The following PCCA variants were observed in gnomAD, a reference collection of about 807,000 sequenced individuals.
PCCA encodes the protein propionyl-CoA carboxylase alpha chain, mitochondrial.
In PCCA, 74 loss-of-function variants were observed where a neutral mutation model predicts 101.3. The ratio of observed to expected loss-of-function variants is 0.73; its 90% confidence interval spans 0.61 to 0.89. The LOEUF is 0.89. PCCA is among the 40% of genes least tolerant of loss of function. The pLI is 0.00. For missense variants in PCCA, 891 were observed against 907.0 expected (o/e 0.98, Z 0.23); for synonymous variants, 294 against 313.6 (o/e 0.94, Z 0.66).
chr13:100,115,192 A>T (rs906608384), intron 4 of PCCA, among the ~76,000 whole-genome samples: 7 of 152,124 alleles, frequency 4.6e-5, no homozygotes, highest in African/African-American at 2.4e-5. Flanking sequence ...TTTTGCATGT[A>T]CTCACTCATT....
intron 6 of PCCA, among the ~76,000 whole-genome samples, chr13:100,206,617 T>C (rs2058869358): frequency 6.6e-6 from 1 of 152,166 alleles, no homozygotes; most frequent in Non-Finnish European, 1.5e-5. Context: ...CTAACAGTTG[T>C]GGCACTCAAC....
At chr13:100,359,645 A>G (rs531889138) in intron 18 of PCCA, among the ~76,000 whole-genome samples, 4 of 152,228 alleles carry the variant, frequency 2.6e-5, no homozygotes, top group Non-Finnish European at 5.9e-5. Flanking sequence ...AACGGAGCCT[A>G]ATGATTGCAA....
rs79153969 is a variant in PCCA, at chr13:100,263,049, C to G, written c.819+218C>G. ...CTAAGATAGCCGACCAGGCTAATCT[C>G]CTTCCAAGACTGGACCATTATAGGG... On this transcript the variant is annotated intron_variant, in intron 10 of 23. Coordinates refer to ENST00000376285, the MANE Select transcript of PCCA (RefSeq NM_000282.4). Among the ~76,000 whole-genome samples the G allele has an allele frequency of 5.5e-3, 833 of 152,242 alleles. 4 individuals are homozygous for G. Among genetic ancestry groups the G allele is most frequent in the Non-Finnish European group, 9.1e-3 (622 of 68,014 alleles).
At chr13:100,213,475 T>A (rs2059343359) in intron 7 of PCCA, among the ~76,000 whole-genome samples, 1 of 152,248 alleles carries the variant, frequency 6.6e-6, no homozygotes, top group Non-Finnish European at 1.5e-5. Context: ...ATTTCTCTGA[T>A]GATCAGTGAT....
intron 4 of PCCA, among the ~76,000 whole-genome samples, chr13:100,114,057 A>G (rs1442643705): frequency 1.3e-5 from 2 of 152,162 alleles, no homozygotes; most frequent in Non-Finnish European, 2.9e-5. Flanking sequence ...AAATGCACAC[A>G]TTAGCCTAGA....
intron 1 of PCCA, among the ~76,000 whole-genome samples, chr13:100,100,669 A>G (rs2047190829): frequency 6.6e-6 from 1 of 152,238 alleles, no homozygotes; most frequent in South Asian, 2.1e-4. Context: ...CCCAGGAGGA[A>G]ACAGGAACAG....
At chr13:100,348,970 T>C (rs1595507251) in intron 18 of PCCA, among the ~76,000 whole-genome samples, 2 of 85,244 alleles carry the variant, frequency 2.3e-5, no homozygotes, top group South Asian at 6.2e-4. Flanking sequence ...CTTTCCTCAG[T>C]CTTGCTCTCT....
At chr13:100,227,070 C>T (rs2060186107) in intron 7 of PCCA, among the ~76,000 whole-genome samples, 1 of 152,194 alleles carries the variant, frequency 6.6e-6, no homozygotes, top group Admixed American at 6.5e-5. Flanking sequence ...GTGGCACTAT[C>T]TTGGCTCACT....
chr13:100,227,365 C>T (rs911921389), intron 7 of PCCA, among the ~76,000 whole-genome samples: 2 of 152,148 alleles, frequency 1.3e-5, no homozygotes, highest in African/African-American at 4.8e-5. Flanking sequence ...AGAAAAGGCA[C>T]CAGATTTTTG....
intron 5 of PCCA, 126 bp downstream of exon 5, chr13:100,155,218 C>T (rs2053758846): frequency 2.7e-6 from 2 of 727,640 alleles, no homozygotes; most frequent in Non-Finnish European, 4.8e-6. Context: ...GTTCATGTCA[C>T]ATGAGTTAAA....
intron 18 of PCCA, among the ~76,000 whole-genome samples, chr13:100,361,346 G>T (rs959083961): frequency 6.6e-6 from 1 of 152,108 alleles, no homozygotes; most frequent in Non-Finnish European, 1.5e-5. Context: ...ACAAATGCAA[G>T]ATGTTCATAA....
chr13:100,278,667 A>G (rs895759276), intron 12 of PCCA, among the ~76,000 whole-genome samples: 4 of 152,110 alleles, frequency 2.6e-5, no homozygotes, highest in Non-Finnish European at 4.4e-5. Context: ...TTTAGTAGAG[A>G]CAGGGTTTCA....
At chr13:100,314,241 TAACCC>T (rs1416898707) in intron 16 of PCCA, among the ~76,000 whole-genome samples, 4 of 152,080 alleles carry the variant, frequency 2.6e-5, no homozygotes, top group African/African-American at 9.7e-5. Context: ...AGCTTGAGAG[TAACCC>T]AGTGGAGGAG....
chr13:100,137,933 C>CCAG (rs1194405534), intron 4 of PCCA, among the ~76,000 whole-genome samples: 1 of 152,126 alleles, frequency 6.6e-6, no homozygotes, highest in South Asian at 2.1e-4. Context: ...CCTCAGCCTC[C>CCAG]TGAGTAACTG....
At chr13:100,150,601 A>G in intron 4 of PCCA, 1 of 1,195,274 alleles carries the variant, frequency 8.4e-7, no homozygotes, top group African/African-American at 1.5e-5. Flanking sequence ...TGGCCTGCAG[A>G]TGTCAGCCCA....
chr13:100,099,583 C>T (rs978531150), intron 1 of PCCA, among the ~76,000 whole-genome samples: 3 of 152,032 alleles, frequency 2.0e-5, no homozygotes, highest in Non-Finnish European at 1.5e-5. Flanking sequence ...TCTCAAAGTG[C>T]TGGGATTACA....
intron 2 of PCCA, among the ~76,000 whole-genome samples, chr13:100,105,993 T>C (rs113738080): frequency 6.6e-6 from 1 of 152,142 alleles, no homozygotes; most frequent in African/African-American, 2.4e-5. Context: ...TATTAGAATG[T>C]AATAATGTAG....
intron 21 of PCCA, among the ~76,000 whole-genome samples, chr13:100,498,378 G>C (rs2085431521): frequency 6.6e-6 from 1 of 151,978 alleles, no homozygotes. Context: ...AAACAAGAGA[G>C]AGAGAAAGAG....
chr13:100,386,952 G>T (rs1445192689), intron 19 of PCCA, among the ~76,000 whole-genome samples: 3 of 152,124 alleles, frequency 2.0e-5, no homozygotes, highest in Non-Finnish European at 4.4e-5. Flanking sequence ...TTTCAAAATT[G>T]TGCAGTGGAA....
Sources: allele counts gnomAD v4.1 joint callset (sites outside exome capture counted in the v4.1 genomes callset), GRCh38; gene constraint gnomAD v4.1.1; transcripts MANE v1.5; gene names NCBI Gene and HGNC (gene_info 2026-07-23, HGNC 2026-07-21).